SYNPO2: variants seen among roughly 807,000 people sequenced by gnomAD.
SYNPO2 encodes synaptopodin 2.
SYNPO2 carries 56 observed loss-of-function variants against 85.0 expected under a neutral mutation model. That is an observed-to-expected ratio of 0.66 (90% CI 0.53 to 0.82). SYNPO2 has a LOEUF of 0.82. SYNPO2 is among the 40% of genes least tolerant of loss of function. The pLI is 0.00. For missense variants in SYNPO2, 1,575 were observed against 1,534.2 expected, an observed-to-expected ratio of 1.03 and a Z score of -0.44; for synonymous variants, 602 against 591.1, an observed-to-expected ratio of 1.02 and a Z score of -0.27.
chr4:118,900,703 C>CTCTCTCTCTCTCTCTCTATATA (rs1277981772), intron 1 of SYNPO2, among the ~76,000 whole-genome samples: 1 of 43,896 alleles, frequency 2.3e-5, no homozygotes, highest in Non-Finnish European at 4.6e-5. Context: ...CTCTCTCTCT[C>CTCTCTCTCTCTCTCTCTATATA]TATATATATA....
At chr4:118,951,469 A>G (rs1482984363) in intron 1 of SYNPO2, among the ~76,000 whole-genome samples, 1 of 152,208 alleles carries the variant, frequency 6.6e-6, no homozygotes, top group Non-Finnish European at 1.5e-5. Context: ...AAGTTTTGAC[A>G]CATGAATTTT....
chr4:119,052,530 C>T (rs1298414473), intron 4 of SYNPO2, among the ~76,000 whole-genome samples: 1 of 152,172 alleles, frequency 6.6e-6, no homozygotes, highest in African/African-American at 2.4e-5. Flanking sequence ...TAAAAACTTT[C>T]TTCTCCTCTT....
intron 1 of SYNPO2, among the ~76,000 whole-genome samples, chr4:118,918,343 T>C (rs1733423881): frequency 6.6e-6 from 1 of 152,158 alleles, no homozygotes; most frequent in African/African-American, 2.4e-5. Flanking sequence ...TGAAAAACAT[T>C]AAACAAACCT....
chr4:118,962,144 A>C (rs762031674), intron 1 of SYNPO2, among the ~76,000 whole-genome samples: 1 of 152,196 alleles, frequency 6.6e-6, no homozygotes, highest in Non-Finnish European at 1.5e-5. Context: ...GCAGCAATGG[A>C]TGAATTCCTG....
intron 1 of SYNPO2, among the ~76,000 whole-genome samples, chr4:119,019,390 G>T (rs1350572): frequency 6.6e-6 from 1 of 151,892 alleles, no homozygotes; most frequent in Admixed American, 6.6e-5. Context: ...GTAGAATGAG[G>T]TCTCTAAAGG....
At chr4:119,010,895 C>T (rs1417582786) in intron 1 of SYNPO2, among the ~76,000 whole-genome samples, 1 of 152,100 alleles carries the variant, frequency 6.6e-6, no homozygotes, top group Non-Finnish European at 1.5e-5. Context: ...CAACACAGAC[C>T]CCTGGCTGAG....
chr4:118,950,558 A>G (rs1734662654), intron 1 of SYNPO2, among the ~76,000 whole-genome samples: 1 of 152,224 alleles, frequency 6.6e-6, no homozygotes, highest in Non-Finnish European at 1.5e-5. Flanking sequence ...AATGGTCCCC[A>G]ACTGTCTGGT....
intron 1 of SYNPO2, among the ~76,000 whole-genome samples, chr4:118,958,476 C>T (rs1194783338): frequency 6.6e-6 from 1 of 152,066 alleles, no homozygotes; most frequent in Non-Finnish European, 1.5e-5. Context: ...GCTTAAGGAC[C>T]TAGACAAGCA....
At chr4:119,010,179 G>A (rs1737237680) in intron 1 of SYNPO2, among the ~76,000 whole-genome samples, 1 of 152,152 alleles carries the variant, frequency 6.6e-6, no homozygotes, top group Non-Finnish European at 1.5e-5. Flanking sequence ...TTGCCTCACT[G>A]GCTTCCCTTG....
At chr4:118,924,111 AC>A (rs1419512351) in intron 1 of SYNPO2, among the ~76,000 whole-genome samples, 2 of 152,164 alleles carry the variant, frequency 1.3e-5, no homozygotes, top group Admixed American at 1.3e-4. Context: ...GAAAGGCAGT[AC>A]CCAAGTGCTC....
intron 1 of SYNPO2, among the ~76,000 whole-genome samples, chr4:118,987,959 G>A (rs1736279732): frequency 6.6e-6 from 1 of 152,108 alleles, no homozygotes; most frequent in African/African-American, 2.4e-5. Flanking sequence ...TCAGAGTCTG[G>A]CAGGTAATAA....
chr4:118,909,042 G>A (rs745892858), intron 1 of SYNPO2, among the ~76,000 whole-genome samples: 1 of 152,112 alleles, frequency 6.6e-6, no homozygotes, highest in African/African-American at 2.4e-5. Context: ...CACTGCAGAT[G>A]TACCCCTCAA....
chr4:119,034,707 A>C, intron 4 of SYNPO2: 1 of 985,530 alleles, frequency 1.0e-6, no homozygotes, highest in Non-Finnish European at 1.2e-6. Flanking sequence ...GGGAGGAAGA[A>C]GGACTAACCA....
At chr4:118,991,285 T>C (rs1330430977) in intron 1 of SYNPO2, among the ~76,000 whole-genome samples, 1 of 152,096 alleles carries the variant, frequency 6.6e-6, no homozygotes, top group Non-Finnish European at 1.5e-5. Flanking sequence ...GTAGCTGCGA[T>C]TACAGGCACG....
rs188275997 is a variant in SYNPO2 at position 118,856,923 on chromosome 4, G to A, written c.12+5983G>A. Among the ~76,000 whole-genome samples the A allele has an allele frequency of 8.2e-3, 1,250 of 151,898 alleles. 9 individuals are homozygous for A. The Middle Eastern group carries it at 0.089, about 11-fold the overall frequency. Reference sequence around the variant, plus strand: ...TTCTCTCTTTCTTTTCATTCTGTATGGTATTTTAAGTAAAGAATATGAATT... The same window carrying A: ...TTCTCTCTTTCTTTTCATTCTGTATAGTATTTTAAGTAAAGAATATGAATT... On this transcript the variant is annotated intron_variant, in intron 1 of 4. Coordinates refer to the SYNPO2 transcript ENST00000610556.
intron 1 of SYNPO2, among the ~76,000 whole-genome samples, chr4:118,949,660 A>G (rs1310756043): frequency 6.6e-6 from 1 of 151,832 alleles, no homozygotes; most frequent in African/African-American, 2.4e-5. Context: ...GAGGCAGGAG[A>G]GTCGCTTGAA....
upstream of SYNPO2, among the ~76,000 whole-genome samples, chr4:118,888,175 A>C (rs1732241763): frequency 6.6e-6 from 1 of 152,240 alleles, no homozygotes; most frequent in African/African-American, 2.4e-5. Context: ...GAAAGAAAAC[A>C]AAACACGTTA....
chr4:119,027,549 A>C lies in SYNPO2; in HGVS notation c.1069+111A>C. 7.5e-6 allele frequency: 8 copies of C among 1,063,970 alleles called. No homozygotes were observed. In the South Asian group the frequency reaches 1.2e-4, roughly 17 times the overall value. 65.9% of individuals were successfully genotyped at this position (1,063,970 alleles called of 1,614,324 possible). A position where few individuals can be genotyped will look rare whatever the true frequency, so the allele number is the denominator to read the frequency against. On this transcript the variant is annotated intron_variant, in intron 3 of 4. Coordinates refer to ENST00000307142, the MANE Select transcript of SYNPO2 (RefSeq NM_133477.3). Reference sequence around the variant, plus strand: ...TTTTTCTTATGTTTCTCATTGGCTTAAAGAAATATTTAATTAATGCACAAA... The same window carrying C: ...TTTTTCTTATGTTTCTCATTGGCTTCAAGAAATATTTAATTAATGCACAAA...
intron 4 of SYNPO2, among the ~76,000 whole-genome samples, chr4:119,055,310 C>T (rs1030159526): frequency 2.0e-5 from 3 of 152,072 alleles, no homozygotes. Context: ...TGCCATCACA[C>T]CTTGGAGAAT....
Sources: allele counts gnomAD v4.1 joint callset (sites outside exome capture counted in the v4.1 genomes callset), GRCh38; gene constraint gnomAD v4.1.1; transcripts MANE v1.5; gene names NCBI Gene and HGNC (gene_info 2026-07-23, HGNC 2026-07-21).